The following ERBB4 variants were observed in gnomAD, a reference collection of about 807,000 sequenced individuals.
ERBB4 encodes receptor tyrosine-protein kinase erbB-4.
In ERBB4, 42 loss-of-function variants were observed where a neutral mutation model predicts 158.0. That is an observed-to-expected ratio of 0.27 (90% CI 0.21 to 0.34). ERBB4 has a LOEUF of 0.34. Among genes scored for constraint, ERBB4 ranks in the 10% least tolerant of loss-of-function variants. The probability of loss-of-function intolerance (pLI) is 1.00; values close to 1 mark genes in which losing one functional copy is unlikely to be tolerated. For synonymous variants in ERBB4, 583 were observed against 558.7 expected (o/e 1.04, Z -0.61); for missense variants, 1,333 against 1,624.1 (o/e 0.82, Z 3.08).
intron 1 of ERBB4, among the ~76,000 whole-genome samples, chr2:212,330,760 A>G (rs1442061166): frequency 6.6e-6 from 1 of 151,714 alleles, no homozygotes; most frequent in East Asian, 2.0e-4. Flanking sequence ...AGAGATAACT[A>G]CTGTGTAATC....
At chr2:211,484,816 A>G (rs2065165636) in intron 20 of ERBB4, among the ~76,000 whole-genome samples, 1 of 152,218 alleles carries the variant, frequency 6.6e-6, no homozygotes, top group South Asian at 2.1e-4. Context: ...GAAAACCAGC[A>G]CAGATAAAGA....
chr2:211,603,757 G>C (rs2068878170), intron 19 of ERBB4, among the ~76,000 whole-genome samples: 1 of 152,178 alleles, frequency 6.6e-6, no homozygotes, highest in Admixed American at 6.5e-5. Context: ...AGGCCAATGA[G>C]AATCGTTTTC....
chr2:212,214,262 A>G (rs2083026876), intron 1 of ERBB4, among the ~76,000 whole-genome samples: 1 of 151,774 alleles, frequency 6.6e-6, no homozygotes, highest in Non-Finnish European at 1.5e-5. Flanking sequence ...AGAGTGACCA[A>G]CAGGCACCTG....
At chr2:212,114,633 G>A (rs1401912679) in intron 2 of ERBB4, among the ~76,000 whole-genome samples, 2 of 152,170 alleles carry the variant, frequency 1.3e-5, no homozygotes, top group African/African-American at 2.4e-5. Context: ...ATGCTTCATT[G>A]ATGCCTCATT....
intron 1 of ERBB4, among the ~76,000 whole-genome samples, chr2:212,320,318 C>CTT (rs34188818): frequency 9.0e-5 from 13 of 144,266 alleles, no homozygotes; most frequent in Non-Finnish European, 1.1e-4. Flanking sequence ...CAAGTACAGT[C>CTT]TTTTTTTTTT....
At chr2:212,365,889 A>C (rs1256614952) in intron 1 of ERBB4, among the ~76,000 whole-genome samples, 1 of 151,926 alleles carries the variant, frequency 6.6e-6, no homozygotes, top group Non-Finnish European at 1.5e-5. Context: ...GTATTCAGAA[A>C]GTGTACCTTG....
intron 1 of ERBB4, among the ~76,000 whole-genome samples, chr2:212,265,485 G>T (rs1156678041): frequency 4.6e-5 from 7 of 152,156 alleles, no homozygotes; most frequent in African/African-American, 1.4e-4. Context: ...CCTAAGAACT[G>T]CCAGATAGAG....
chr2:212,406,617 C>T (rs1033057536), intron 1 of ERBB4, among the ~76,000 whole-genome samples: 5 of 152,032 alleles, frequency 3.3e-5, no homozygotes, highest in African/African-American at 7.2e-5. Context: ...GAGTAAAGGA[C>T]GGGTACATTA....
chr2:211,513,357 CAAAAA>C (rs61042785), intron 20 of ERBB4, among the ~76,000 whole-genome samples: 661 of 39,182 alleles, frequency 0.017, 5 homozygotes, highest in Non-Finnish European at 0.029. Context: ...GACTCCGTCT[CAAAAA>C]AAAAAAAAAA....
intron 1 of ERBB4, among the ~76,000 whole-genome samples, chr2:212,372,870 C>T (rs1357366751): frequency 6.6e-6 from 1 of 152,166 alleles, no homozygotes; most frequent in East Asian, 1.9e-4. Flanking sequence ...TGTTCATGCT[C>T]ATCCCATGCC....
At chr2:211,565,372 G>A (rs1372778174) in intron 19 of ERBB4, among the ~76,000 whole-genome samples, 1 of 152,062 alleles carries the variant, frequency 6.6e-6, no homozygotes, top group South Asian at 2.1e-4. Context: ...GTTGCAAAAA[G>A]TTAGCATATG....
At chr2:212,342,294 T>C (rs1041375828) in intron 1 of ERBB4, among the ~76,000 whole-genome samples, 2 of 152,130 alleles carry the variant, frequency 1.3e-5, no homozygotes, top group Non-Finnish European at 2.9e-5. Context: ...CCACGTGTCA[T>C]GGGAGGGACC....
chr2:212,004,812 A>C (rs1342424712), intron 2 of ERBB4, among the ~76,000 whole-genome samples: 1 of 151,898 alleles, frequency 6.6e-6, no homozygotes, highest in Admixed American at 6.6e-5. Context: ...CTTTAGCCTA[A>C]CTTACATATA....
intron 1 of ERBB4, among the ~76,000 whole-genome samples, chr2:212,472,792 T>C (rs2106123521): frequency 6.6e-6 from 1 of 152,042 alleles, no homozygotes; most frequent in East Asian, 1.9e-4. Context: ...AGTACTTATA[T>C]CATAGAAGAG....
At chr2:211,590,698 C>T (rs1369248298) in intron 19 of ERBB4, among the ~76,000 whole-genome samples, 1 of 152,048 alleles carries the variant, frequency 6.6e-6, no homozygotes, top group Non-Finnish European at 1.5e-5. Context: ...AACGATAAAA[C>T]TCTGGTTTCC....
intron 1 of ERBB4, among the ~76,000 whole-genome samples, chr2:212,352,749 T>C (rs1210556555): frequency 6.6e-6 from 1 of 151,974 alleles, no homozygotes. Context: ...GCACCTGTAA[T>C]CCCAGCTACT....
At chr2:211,966,393 C>T (rs1261140437) in intron 2 of ERBB4, among the ~76,000 whole-genome samples, 1 of 152,058 alleles carries the variant, frequency 6.6e-6, no homozygotes, top group Admixed American at 6.6e-5. Flanking sequence ...AGGCACCCGC[C>T]ACCACACCCA....
intron 20 of ERBB4, among the ~76,000 whole-genome samples, chr2:211,556,975 A>T (rs933060639): frequency 4.6e-5 from 7 of 152,198 alleles, no homozygotes; most frequent in African/African-American, 1.7e-4. Context: ...CAACTATCTG[A>T]TCTTTGACAA....
chr2:211,398,608 C>T (rs901010018), intron 25 of ERBB4, among the ~76,000 whole-genome samples: 4 of 151,962 alleles, frequency 2.6e-5, no homozygotes, highest in Non-Finnish European at 5.9e-5. Flanking sequence ...TTTGGGAGGC[C>T]GAGGCGGGCA....
Sources: allele counts gnomAD v4.1 joint callset (sites outside exome capture counted in the v4.1 genomes callset), GRCh38; gene constraint gnomAD v4.1.1; transcripts MANE v1.5; gene names NCBI Gene and HGNC (gene_info 2026-07-23, HGNC 2026-07-21).